Variants in ATG7 observed in about 807,000 individuals in gnomAD.
ATG7 encodes autophagy related 7, also known as ubiquitin-like modifier-activating enzyme ATG7.
ATG7 carries 70 observed loss-of-function variants against 82.4 expected under a neutral mutation model. That is an observed-to-expected ratio of 0.85 (90% confidence interval 0.70 to 1.04). The LOEUF is 1.04. Among genes scored for constraint, ATG7 ranks in the 50% least tolerant of loss-of-function variants. The probability of loss-of-function intolerance (pLI) is 0.00; values close to 1 mark genes in which losing one functional copy is unlikely to be tolerated. For missense variants in ATG7, 792 were observed against 864.3 expected (o/e 0.92, Z 1.05); for synonymous variants, 287 against 313.0 (o/e 0.92, Z 0.88).
At chr3:11,466,020 T>C (rs2086794267) in intron 20 of ATG7, among the ~76,000 whole-genome samples, 1 of 152,204 alleles carries the variant, frequency 6.6e-6, no homozygotes, top group Non-Finnish European at 1.5e-5. Context: ...GCTCTAATTA[T>C]ATTTAGGGCA....
At chr3:11,353,902 C>G (rs539807914) in intron 14 of ATG7, among the ~76,000 whole-genome samples, 2 of 152,118 alleles carry the variant, frequency 1.3e-5, no homozygotes, top group Non-Finnish European at 2.9e-5. Flanking sequence ...ACAGGAAATA[C>G]AAAGAAGTGT....
chr3:11,484,894 T>TA (rs2089450925), intron 20 of ATG7, among the ~76,000 whole-genome samples: 1 of 152,182 alleles, frequency 6.6e-6, no homozygotes, highest in Admixed American at 6.5e-5. Context: ...TATGGCTGCA[T>TA]AGTATTCCAT....
chr3:11,390,144 CTATT>C (rs1419596510), intron 19 of ATG7, among the ~76,000 whole-genome samples: 1 of 152,178 alleles, frequency 6.6e-6, no homozygotes, highest in Non-Finnish European at 1.5e-5. Context: ...TTAAAGAAGA[CTATT>C]TATTTTGTTG....
At chr3:11,481,401 A>G (rs1461764931) in intron 20 of ATG7, among the ~76,000 whole-genome samples, 7 of 152,222 alleles carry the variant, frequency 4.6e-5, no homozygotes, top group African/African-American at 1.7e-4. Context: ...TATTTGCTGT[A>G]AGTTTTAAGT....
chr3:11,541,810 A>G (rs1196337295), intron 20 of ATG7, among the ~76,000 whole-genome samples: 3 of 152,200 alleles, frequency 2.0e-5, no homozygotes, highest in Non-Finnish European at 4.4e-5. Flanking sequence ...CTTTTCAAAA[A>G]CTTTTCTAAG....
chr3:11,507,795 G>A (rs1040225188), intron 20 of ATG7, among the ~76,000 whole-genome samples: 3 of 152,120 alleles, frequency 2.0e-5, no homozygotes, highest in Admixed American at 6.6e-5. Context: ...GATGTGGGAA[G>A]GAAGAGAGGA....
intron 3 of ATG7, among the ~76,000 whole-genome samples, chr3:11,288,155 G>T (rs754564448): frequency 2.6e-5 from 4 of 152,180 alleles, no homozygotes; most frequent in African/African-American, 4.8e-5. Flanking sequence ...AATCCTTTGT[G>T]CAGTATTACG....
At chr3:11,497,807 A>T (rs1427850710) in intron 20 of ATG7, among the ~76,000 whole-genome samples, 1 of 152,070 alleles carries the variant, frequency 6.6e-6, no homozygotes, top group African/African-American at 2.4e-5. Flanking sequence ...CTGCTATTAT[A>T]ATAATAATAG....
At chr3:11,508,401 A>G (rs1046407219) in intron 20 of ATG7, among the ~76,000 whole-genome samples, 8 of 152,088 alleles carry the variant, frequency 5.3e-5, no homozygotes, top group Admixed American at 2.0e-4. Flanking sequence ...GTTGGGCTGC[A>G]TTCAAAGCCA....
Position 11,441,569 on chromosome 3 carries a change from G to A in ATG7, c.2079+14643G>A, listed in dbSNP as rs559730684. On this transcript the variant is annotated intron_variant, in intron 20 of 20. Coordinates refer to ENST00000693202, the MANE Select transcript of ATG7 (RefSeq NM_001349232.2). ...CATTATGTTTTAAAGCACCAGTTTG[G>A]AACCAATCTTTTAGAGGTAACTGTT... is the stretch of plus-strand genomic sequence containing the variant. Among the ~76,000 whole-genome samples, 177 of 151,764 alleles carry A rather than the reference G, an allele frequency of 1.2e-3. 1 individual carries two copies. The highest frequency in any genetic ancestry group is 4.0e-3 in the African/African-American group (166 of 41,380).
intron 1 of ATG7, chr3:11,277,081 G>C (rs1941973555): frequency 6.6e-6 from 1 of 152,170 alleles, no homozygotes; most frequent in African/African-American, 2.4e-5. Context: ...GTAGTCATCA[G>C]AGTTCTATAG....
intron 20 of ATG7, among the ~76,000 whole-genome samples, chr3:11,446,336 A>G (rs949123444): frequency 6.6e-6 from 1 of 152,216 alleles, no homozygotes; most frequent in African/African-American, 2.4e-5. Flanking sequence ...CATGGTTTCA[A>G]TCATCTTCCT....
intron 5 of ATG7, chr3:11,304,427 T>C (rs1947369687): frequency 6.6e-6 from 1 of 152,254 alleles, no homozygotes; most frequent in African/African-American, 2.4e-5. Context: ...CTGCGATTGC[T>C]AGGGAAGTCA....
rs1022318692 is a variant in ATG7, at chr3:11,364,697, A to G, written c.1838A>G (p.Asn613Ser). Residue 613 changes from asparagine (N) to serine (S), a missense_variant, in exon 18 of 21, where the codon AAT becomes AGT. By Grantham distance (46) the Asn-to-Ser change is conservative (BLOSUM62 1). Transcript: ENST00000693202. ...AIASSSDDRMNEPPTSLGLVP... is the reference protein window; with the variant it reads ...AIASSSDDRMSEPPTSLGLVP... ...GCCAGCAGCAGTGACGATCGGATGAATGAGCCTCCAACCTCTCTTGGGCTT... is the reference window on the plus strand; with the variant it reads ...GCCAGCAGCAGTGACGATCGGATGAGTGAGCCTCCAACCTCTCTTGGGCTT... The G allele has an allele frequency of 6.2e-7, 1 of 1,614,162 alleles. No individual in the cohort carries two copies. Among genetic ancestry groups the G allele is most frequent in the Admixed American group, 1.7e-5 (1 of 60,018 alleles).
intron 20 of ATG7, 131 bp from the exon 21 acceptor site, chr3:11,554,678 TGA>T: frequency 9.1e-7 from 1 of 1,094,100 alleles, no homozygotes; most frequent in Non-Finnish European, 1.3e-6. Flanking sequence ...AGAAATGGGG[TGA>T]CAGTCCCTCA....
At chr3:11,424,465 C>T (rs1407072411) in intron 19 of ATG7, among the ~76,000 whole-genome samples, 1 of 151,668 alleles carries the variant, frequency 6.6e-6, no homozygotes, top group African/African-American at 2.4e-5. Context: ...GGTGACAGAG[C>T]GAGACTGTCA....
intron 3 of ATG7, among the ~76,000 whole-genome samples, chr3:11,287,398 C>T (rs895389880): frequency 5.3e-5 from 8 of 152,116 alleles, no homozygotes; most frequent in African/African-American, 1.4e-4. Flanking sequence ...GAACAGGGAA[C>T]ACTTTTCAGA....
chr3:11,373,510 G>C (rs1448143100), intron 18 of ATG7, among the ~76,000 whole-genome samples: 1 of 152,148 alleles, frequency 6.6e-6, no homozygotes, highest in African/African-American at 2.4e-5. Flanking sequence ...CAGATTCTCA[G>C]GCCTTTCCCC....
chr3:11,278,692 C>T (rs937370703), intron 1 of ATG7, among the ~76,000 whole-genome samples: 4 of 152,284 alleles, frequency 2.6e-5, no homozygotes, highest in Middle Eastern at 3.4e-3. Flanking sequence ...ATTTATTGGG[C>T]ACCTATGAGG....
Sources: allele counts gnomAD v4.1 joint callset (sites outside exome capture counted in the v4.1 genomes callset), GRCh38; gene constraint gnomAD v4.1.1; transcripts MANE v1.5; gene names NCBI Gene and HGNC (gene_info 2026-07-23, HGNC 2026-07-21).